The following TMEM132C variants were observed in gnomAD, a reference collection of about 807,000 sequenced individuals.
TMEM132C encodes protein phosphatase 1, regulatory subunit 152.
In TMEM132C, 29 loss-of-function variants were observed where a neutral mutation model predicts 61.4. The ratio of observed to expected loss-of-function variants is 0.47; its 90% CI spans 0.35 to 0.64. The LOEUF (loss-of-function observed/expected upper bound fraction) is 0.64, where lower values mean the gene tolerates loss of function less well. Among genes scored for constraint, TMEM132C ranks in the 30% least tolerant of loss-of-function variants. The pLI, the probability that TMEM132C is intolerant of heterozygous loss-of-function variation, is 0.00. For synonymous variants in TMEM132C, 656 were observed against 633.1 expected (o/e 1.04, Z -0.54); for missense variants, 1,408 against 1,476.9 (o/e 0.95, Z 0.76).
At chr12:128,609,879 A>G (rs1288048821) in intron 3 of TMEM132C, among the ~76,000 whole-genome samples, 1 of 152,250 alleles carries the variant, frequency 6.6e-6, no homozygotes, top group East Asian at 1.9e-4. Context: ...TAGAACTGGC[A>G]TCTGAAGTTC....
At chr12:128,277,297 T>C (rs971303159) in intron 1 of TMEM132C, among the ~76,000 whole-genome samples, 3 of 152,234 alleles carry the variant, frequency 2.0e-5, no homozygotes, top group Admixed American at 1.3e-4. Context: ...AGTGATGTCA[T>C]TGGACAGTTT....
At chr12:128,433,550 C>T (rs1008504863) in intron 2 of TMEM132C, among the ~76,000 whole-genome samples, 1 of 152,162 alleles carries the variant, frequency 6.6e-6, no homozygotes, top group Non-Finnish European at 1.5e-5. Flanking sequence ...GGGAAACTGT[C>T]ATCAGGATTT....
intron 4 of TMEM132C, among the ~76,000 whole-genome samples, chr12:128,635,462 C>CT (rs372811916): frequency 0.24 from 31,772 of 130,310 alleles, 4,049 homozygotes; most frequent in African/African-American, 0.35. Context: ...TGAGTTTTTT[C>CT]TTTTTTTTTT....
intron 3 of TMEM132C, among the ~76,000 whole-genome samples, chr12:128,559,120 C>T (rs527829031): frequency 1.5e-4 from 22 of 151,574 alleles, no homozygotes; most frequent in African/African-American, 5.3e-4. Context: ...CACACAAACA[C>T]ACACACAGAC....
intron 2 of TMEM132C, among the ~76,000 whole-genome samples, chr12:128,497,767 C>G (rs900764836): frequency 6.6e-6 from 1 of 152,176 alleles, no homozygotes; most frequent in African/African-American, 2.4e-5. Flanking sequence ...TTCCCTGACC[C>G]CTTGCGCTTC....
intron 1 of TMEM132C, among the ~76,000 whole-genome samples, chr12:128,337,269 G>A (rs1163089152): frequency 6.6e-6 from 1 of 152,094 alleles, no homozygotes; most frequent in East Asian, 1.9e-4. Context: ...TTCAATGGGG[G>A]AATGACTCGA....
chr12:128,520,816 G>T (rs1464381750), intron 2 of TMEM132C, among the ~76,000 whole-genome samples: 1 of 152,094 alleles, frequency 6.6e-6, no homozygotes, highest in African/African-American at 2.4e-5. Flanking sequence ...GATTTAGGGT[G>T]GGAGAGTTTA....
At chr12:128,528,096 A>G (rs937116495) in intron 2 of TMEM132C, among the ~76,000 whole-genome samples, 2 of 152,226 alleles carry the variant, frequency 1.3e-5, no homozygotes, top group African/African-American at 2.4e-5. Context: ...ACGATTGGAC[A>G]TACTCACAAA....
At chr12:128,329,865 T>A (rs759763093) in intron 1 of TMEM132C, among the ~76,000 whole-genome samples, 6 of 152,306 alleles carry the variant, frequency 3.9e-5, no homozygotes, top group Admixed American at 2.0e-4. Context: ...ATTGTCTTCA[T>A]TAAAGGTGCT....
rs11059783 is a variant in TMEM132C at position 128,589,133 on chromosome 12, A to C, written c.1122-27019A>C. Reference sequence around the variant, plus strand: ...CCAGGTTGTCATGTCGGTTCCCTACATATGGAGAGGGATCCACAGACTCCC... The same window carrying C: ...CCAGGTTGTCATGTCGGTTCCCTACCTATGGAGAGGGATCCACAGACTCCC... On this transcript the variant is annotated intron_variant, in intron 3 of 8. Transcript: ENST00000435159. Among the ~76,000 whole-genome samples the C allele has an allele frequency of 1.1e-3, 163 of 151,942 alleles. 1 individual carries two copies. The highest frequency in any genetic ancestry group is 3.8e-3 in the African/African-American group (158 of 41,414).
At chr12:128,466,229 G>A (rs565790097) in intron 2 of TMEM132C, among the ~76,000 whole-genome samples, 1 of 152,260 alleles carries the variant, frequency 6.6e-6, no homozygotes, top group South Asian at 2.1e-4. Flanking sequence ...ACCTCCCTCT[G>A]GGAGCTGCAG....
At chr12:128,662,545 G>T (rs547239577) in intron 4 of TMEM132C, among the ~76,000 whole-genome samples, 9 of 152,242 alleles carry the variant, frequency 5.9e-5, no homozygotes, top group African/African-American at 2.2e-4. Context: ...ATATACTCCT[G>T]CCCTGGGCTC....
intron 3 of TMEM132C, among the ~76,000 whole-genome samples, chr12:128,605,389 T>C (rs979696676): frequency 6.6e-6 from 1 of 152,108 alleles, no homozygotes; most frequent in Non-Finnish European, 1.5e-5. Flanking sequence ...TTTTGTTCTG[T>C]TCAGGTTTTC....
At chr12:128,590,734 A>G (rs1257532861) in intron 3 of TMEM132C, among the ~76,000 whole-genome samples, 1 of 152,212 alleles carries the variant, frequency 6.6e-6, no homozygotes, top group Non-Finnish European at 1.5e-5. Flanking sequence ...TGGAAGCTGC[A>G]TGCAGGCAGG....
chr12:128,700,266 T>G (rs769758759), intron 8 of TMEM132C, among the ~76,000 whole-genome samples: 34 of 152,204 alleles, frequency 2.2e-4, no homozygotes, highest in Non-Finnish European at 3.7e-4. Flanking sequence ...CTAAATCATT[T>G]CTGGGCATGT....
chr12:128,541,529 A>ACG (rs1873752237), intron 2 of TMEM132C, among the ~76,000 whole-genome samples: 3 of 152,282 alleles, frequency 2.0e-5, no homozygotes, highest in Non-Finnish European at 2.9e-5. Flanking sequence ...TCCTTAGTGC[A>ACG]CAAGAAGACA....
At chr12:128,375,497 G>A (rs1008232563) in intron 1 of TMEM132C, among the ~76,000 whole-genome samples, 3 of 152,062 alleles carry the variant, frequency 2.0e-5, no homozygotes, top group Admixed American at 2.0e-4. Flanking sequence ...TCCTTCAGAT[G>A]AAGTTTCCCT....
intron 3 of TMEM132C, among the ~76,000 whole-genome samples, chr12:128,546,423 C>T (rs1044848332): frequency 1.3e-5 from 2 of 152,096 alleles, no homozygotes; most frequent in Admixed American, 6.5e-5. Flanking sequence ...AGAAGCAGAG[C>T]GAGGGAGATG....
At chr12:128,328,398 C>G (rs115502418) in intron 1 of TMEM132C, among the ~76,000 whole-genome samples, 6 of 152,096 alleles carry the variant, frequency 3.9e-5, no homozygotes, top group African/African-American at 1.4e-4. Flanking sequence ...ACTGACCCCC[C>G]GGCTTACATC....
Sources: allele counts gnomAD v4.1 joint callset (sites outside exome capture counted in the v4.1 genomes callset), GRCh38; gene constraint gnomAD v4.1.1; transcripts MANE v1.5; gene names NCBI Gene and HGNC (gene_info 2026-07-23, HGNC 2026-07-21).